The following ADH1A variants were observed in gnomAD, a reference collection of about 807,000 sequenced individuals.
ADH1A encodes the protein alcohol dehydrogenase 1A (class I), alpha polypeptide.
ADH1A carries 29 observed loss-of-function variants against 35.2 expected under a neutral mutation model. The ratio of observed to expected loss-of-function variants is 0.82; its 90% CI spans 0.61 to 1.12. The LOEUF (loss-of-function observed/expected upper bound fraction) is 1.12. Among genes scored for constraint, ADH1A ranks in the 50% most tolerant of loss-of-function variants. The probability of loss-of-function intolerance (pLI) is 0.00; values close to 1 mark genes in which losing one functional copy is unlikely to be tolerated. For missense variants in ADH1A, 469 were observed against 464.7 expected (o/e 1.01, Z -0.09); for synonymous variants, 147 against 164.8 (o/e 0.89, Z 0.83).
chr4:99,287,613 A>G lies in ADH1A; in HGVS notation c.71T>C (p.Ile24Thr). 1 of 1,613,960 alleles carries G rather than the reference A, an allele frequency of 6.2e-7. No homozygotes were observed. Among genetic ancestry groups the G allele is most frequent in the Non-Finnish European group, 8.5e-7 (1 of 1,179,888 alleles). Residue 24 changes from isoleucine (I) to threonine (T), a missense_variant, in exon 2 of 9, where the codon ATT becomes ACT. Physicochemically the swap from Ile to Thr is moderately conservative, Grantham distance 89 (BLOSUM62 -1). Transcript: ENST00000209668. The stretch of plus-strand genomic sequence containing the variant: ...AGGAGGTGCAACCTCCACCTCCTCA[A>G]TGGAAAAGGGTTTCTTTAACTCCCA... ...VLWELKKPFSIEEVEVAPPKA... is the reference protein window; with the variant it reads ...VLWELKKPFSTEEVEVAPPKA...
intron 8 of ADH1A, among the ~76,000 whole-genome samples, chr4:99,277,932 C>T (rs1042465072): frequency 1.3e-5 from 2 of 151,928 alleles, no homozygotes; most frequent in African/African-American, 4.8e-5. Context: ...ACAAAAGATC[C>T]ATTTTTTTTA....
At chr4:99,283,953 C>G (rs530230208) in intron 5 of ADH1A, among the ~76,000 whole-genome samples, 1 of 152,270 alleles carries the variant, frequency 6.6e-6, no homozygotes, top group Admixed American at 6.5e-5. Context: ...GTTTTGGACT[C>G]TACTGTTGTT....
intron 1 of ADH1A, among the ~76,000 whole-genome samples, chr4:99,288,023 A>G (rs904760780): frequency 6.6e-6 from 1 of 152,202 alleles, no homozygotes; most frequent in Non-Finnish European, 1.5e-5. Flanking sequence ...ATCAAATTCT[A>G]AGTCACCTTC....
intron 5 of ADH1A, among the ~76,000 whole-genome samples, chr4:99,284,038 T>C (rs887237719): frequency 9.2e-5 from 14 of 152,164 alleles, no homozygotes; most frequent in African/African-American, 3.4e-4. Context: ...CATTTACTTT[T>C]GCTGTCAGAG....
chr4:99,282,556 T>G lies in ADH1A; in HGVS notation c.618A>C (p.Leu206=), dbSNP rs781344829. 3.7e-6 allele frequency: 6 copies of G among 1,614,204 alleles called. No individual in the cohort carries two copies. The highest frequency in any genetic ancestry group is 4.2e-6 in the Non-Finnish European group (5 of 1,180,040). Residue 206 remains leucine, a synonymous_variant, in exon 6 of 9, where the codon CTA becomes CTC. Transcript: ENST00000209668. ...CAVFGLGGVG[L]SAIMGCKAAG... ...CTGCTTTACAGCCCATAATAGCAGATAGGCCGACCCCTCCCAGGCCAAACA... is the reference window on the plus strand; with the variant it reads ...CTGCTTTACAGCCCATAATAGCAGAGAGGCCGACCCCTCCCAGGCCAAACA...
chr4:99,285,340 G>A (rs1056696521), intron 3 of ADH1A, among the ~76,000 whole-genome samples: 1 of 151,712 alleles, frequency 6.6e-6, no homozygotes, highest in African/African-American at 2.4e-5. Flanking sequence ...TTCTTTTTTT[G>A]AGGAAAACTA....
intron 8 of ADH1A, among the ~76,000 whole-genome samples, chr4:99,276,871 C>G (rs916853502): frequency 2.0e-5 from 3 of 152,082 alleles, no homozygotes; most frequent in African/African-American, 7.2e-5. Context: ...TCTGAGTATG[C>G]CTGTCATTTA....
Position 99,290,854 on chromosome 4 carries a change from T to C in ADH1A, c.18+43A>G, listed in dbSNP as rs777145596. ...ATACTGTATTACTTTCTTTGTTATA[T>C]TGATGAGAATATAGTTCCAACAGTA... On this transcript the variant is annotated intron_variant, in intron 1 of 8. Transcript: ENST00000209668. 13 of 1,577,694 alleles carry C rather than the reference T, an allele frequency of 8.2e-6. No homozygotes were observed. In the Admixed American group the frequency reaches 1.7e-4, roughly 20 times the overall value.
rs748403719 is a variant in ADH1A at position 99,282,367 on chromosome 4, G to A, written c.807C>T (p.Val269=). 6.2e-7 allele frequency: 1 copy of A among 1,614,152 alleles called. No homozygotes were observed. The highest frequency in any genetic ancestry group is 8.5e-7 in the Non-Finnish European group (1 of 1,179,990). The change falls in exon 6 of 9, where the codon GTC becomes GTT. Residue 269 remains valine (V), a synonymous_variant. Transcript: ENST00000209668. ...TDGGVDFSFE[V]IGRLDTMMAS... is the part of the protein sequence containing the mutation. ...ATACCATGGTGTCAAGCCGACCGAT[G>A]ACTTCAAATGAAAAATCCACACCTC...
chr4:99,280,820 T>A (rs956246176), intron 6 of ADH1A, among the ~76,000 whole-genome samples: 1 of 152,202 alleles, frequency 6.6e-6, no homozygotes, highest in African/African-American at 2.4e-5. Context: ...ACATTGTTTT[T>A]ATCTCCCCAA....
intron 6 of ADH1A, 40 bp from the exon 7 acceptor site, chr4:99,280,319 C>T (rs775883108): frequency 6.2e-6 from 10 of 1,611,258 alleles, no homozygotes; most frequent in African/African-American, 2.7e-5. Flanking sequence ...AACATGGAGT[C>T]GCATAGTTCC....
chr4:99,286,262 T>C (rs1291911508), intron 3 of ADH1A, among the ~76,000 whole-genome samples: 1 of 152,184 alleles, frequency 6.6e-6, no homozygotes, highest in Non-Finnish European at 1.5e-5. Context: ...TTGTTGATGG[T>C]GGATGGCTCT....
chr4:99,284,225 A>T (rs572841082), intron 5 of ADH1A, among the ~76,000 whole-genome samples, 174 bp downstream of exon 5: 1 of 152,340 alleles, frequency 6.6e-6, no homozygotes, highest in African/African-American at 2.4e-5. Flanking sequence ...TTTTAATCTG[A>T]TAAACAGGTG....
chr4:99,283,398 T>C (rs768226305), intron 5 of ADH1A, among the ~76,000 whole-genome samples: 10 of 152,200 alleles, frequency 6.6e-5, no homozygotes, highest in Non-Finnish European at 1.2e-4. Flanking sequence ...TAGTCTCCCA[T>C]AGTCCGCCTT....
Position 99,284,391 on chromosome 4 carries a change from A to G in ADH1A, c.567+8T>C, listed in dbSNP as rs377688831. The G allele has an allele frequency of 4.6e-5, 74 of 1,613,940 alleles. No homozygotes were observed. Among genetic ancestry groups the G allele is most frequent in the South Asian group, 1.6e-4 (15 of 91,082 alleles). Reference sequence around the variant, plus strand: ...GTAACTGTTTTTATCACCCATTGCCATTCTTACCTTGGCAACATTGACTGC... The same window carrying G: ...GTAACTGTTTTTATCACCCATTGCCGTTCTTACCTTGGCAACATTGACTGC... On this transcript the variant is annotated splice_region_variant and intron_variant, in intron 5 of 8. Coordinates refer to ENST00000209668, the MANE Select transcript of ADH1A (RefSeq NM_000667.4).
In ADH1A at chr4:99,284,584, T is replaced by G. The variant is rs752600039; in HGVS notation, c.382A>C (p.Thr128Pro). Residue 128 changes from threonine to proline, a missense_variant, in exon 5 of 9, where the codon ACC (threonine) becomes CCC (proline). Thr to Pro is a conservative substitution (Grantham distance 38). Transcript: ENST00000209668. ...SNPQGTLQDG[T>P]SRFTCRRKPI... ...TTCCTCCTGCAGGTGAACCTGCTGG[T>G]GCCATCCTGCAGGGTCCCCTGAGGA... is the stretch of plus-strand genomic sequence containing the variant. The G allele has an allele frequency of 3.7e-6, 6 of 1,614,174 alleles. No individual in the cohort carries two copies. Among genetic ancestry groups the G allele is most frequent in the Non-Finnish European group, 5.1e-6 (6 of 1,180,022 alleles).
chr4:99,287,066 C>G (rs1362134571), intron 2 of ADH1A, 78 bp from the exon 3 acceptor site: 4 of 1,531,178 alleles, frequency 2.6e-6, no homozygotes, highest in Non-Finnish European at 3.5e-6. Flanking sequence ...CCTGAAATTG[C>G]GCTTCCAAAA....
Position 99,290,934 on chromosome 4 carries a change from C to A in ADH1A, c.-20G>T, listed in dbSNP as rs1733274074. 2 of 1,613,806 alleles carry A rather than the reference C, an allele frequency of 1.2e-6. No individual in the cohort carries two copies. Among genetic ancestry groups the A allele is most frequent in the African/African-American group, 2.7e-5 (2 of 75,028 alleles). ...GCTCATGTTGATTCTGTCTTCTCTG[C>A]AGACCAGGAGACTGGTGAGTCCTTG... On this transcript the variant is annotated 5_prime_UTR_variant, in exon 1 of 9. Transcript: ENST00000209668.
intron 8 of ADH1A, 91 bp from the exon 9 acceptor site, chr4:99,276,739 CTG>C (rs1304434286): frequency 4.8e-6 from 6 of 1,252,718 alleles, no homozygotes; most frequent in African/African-American, 1.5e-5. Context: ...TAGTGAAAAT[CTG>C]TCTGTTCTCA....
Sources: allele counts gnomAD v4.1 joint callset (sites outside exome capture counted in the v4.1 genomes callset), GRCh38; gene constraint gnomAD v4.1.1; transcripts MANE v1.5; gene names NCBI Gene and HGNC (gene_info 2026-07-23, HGNC 2026-07-21).